The following DNAH1 variants were observed in gnomAD, a reference collection of about 807,000 sequenced individuals.
DNAH1 encodes axonemal beta dynein heavy chain 1.
DNAH1 carries 327 observed loss-of-function variants against 484.3 expected under a neutral mutation model. The observed-to-expected ratio is 0.68, with a 90% CI of 0.62 to 0.74. The LOEUF (loss-of-function observed/expected upper bound fraction) is 0.74. Among genes scored for constraint, DNAH1 ranks in the 30% least tolerant of loss-of-function variants. The pLI, the probability that DNAH1 is intolerant of heterozygous loss-of-function variation, is 0.00. For synonymous variants in DNAH1, 2,192 were observed against 2,191.9 expected (o/e 1.00, Z 0.00); for missense variants, 5,052 against 5,546.8 (o/e 0.91, Z 2.83).
At chr3:52,347,599 C>T (rs569275404) in intron 11 of DNAH1, among the ~76,000 whole-genome samples, 11 of 152,284 alleles carry the variant, frequency 7.2e-5, no homozygotes, top group Admixed American at 1.3e-4. Context: ...GCCTCCCTCT[C>T]GTGTGGTGCT....
At position 52,362,480 on chromosome 3, in the gene DNAH1, G is replaced by A. The variant is rs370313624; in HGVS notation, c.5073G>A (p.Thr1691=). 24 of 1,613,710 alleles carry A rather than the reference G, an allele frequency of 1.5e-5. No individual in the cohort carries two copies. Among genetic ancestry groups the A allele is most frequent in the African/African-American group, 4.0e-5 (3 of 74,940 alleles). The stretch of plus-strand genomic sequence containing the variant: ...TGAACCCGGGCTACGCTGGCCGCAC[G>A]GAGCTGCCTGACAATCTGAAGGCAA... The part of the protein sequence containing the change: ...ITMNPGYAGR[T]ELPDNLKALF... The change falls in exon 31 of 78, where the codon ACG becomes ACA. Residue 1691 remains threonine (T), a synonymous_variant. Coordinates refer to ENST00000420323, the MANE Select transcript of DNAH1 (RefSeq NM_015512.5). This position sits in a 1 kb window ranked among gnomAD's most constrained non-coding sequence, Gnocchi z 5.1.
chr3:52,341,621 G>A (rs1451029720), intron 8 of DNAH1, among the ~76,000 whole-genome samples: 1 of 150,976 alleles, frequency 6.6e-6, no homozygotes, highest in Non-Finnish European at 1.5e-5. Flanking sequence ...ACTGCAAAGG[G>A]CTTGACTTTT....
chr3:52,338,574 A>G (rs995351508), intron 8 of DNAH1, among the ~76,000 whole-genome samples: 1 of 152,206 alleles, frequency 6.6e-6, no homozygotes, highest in South Asian at 2.1e-4. Flanking sequence ...TAGATTCCTC[A>G]TGAAGAGCTC....
At chr3:52,371,342 G>A (rs541325670) in intron 41 of DNAH1, among the ~76,000 whole-genome samples, 9 of 152,364 alleles carry the variant, frequency 5.9e-5, no homozygotes, top group African/African-American at 1.7e-4. Flanking sequence ...ACTGTGCAGC[G>A]TCCTGCTGGG....
In DNAH1 at chr3:52,374,519, T is replaced by G. The variant is rs551714277; in HGVS notation, c.6986-721T>G. 7 of 1,484,488 alleles carry G rather than the reference T, an allele frequency of 4.7e-6. No homozygotes were observed. The East Asian group carries it at 1.6e-4, about 34-fold the overall frequency. The allele number at this position is 1,484,488 out of a possible 1,614,324, so 92.0% of individuals were successfully genotyped here. On this transcript the variant is annotated intron_variant, in intron 44 of 77. Transcript: ENST00000420323. ...TAGATGTCATTGAACCATCAGAATT[T>G]GTGAAGACCATGGAGCCCCTCTTCC...
At position 52,371,968 on chromosome 3, in the gene DNAH1, ACTC is replaced by A. The variant is rs750482482; in HGVS notation, c.6552_6554del (p.Ser2185del). 3.1e-6 allele frequency: 5 copies of A among 1,613,144 alleles called. No homozygotes were observed. The highest frequency in any genetic ancestry group is 4.2e-6 in the Non-Finnish European group (5 of 1,179,682). On this transcript the variant is annotated inframe_deletion, in exon 42 of 78. Coordinates refer to ENST00000420323, the MANE Select transcript of DNAH1 (RefSeq NM_015512.5). Reference sequence around the variant, plus strand: ...CAGGTTGCCTGGGTGAAGTGGATGGACTCCTCAGCTCCATTCACCATGGTACCA... The same window carrying A: ...CAGGTTGCCTGGGTGAAGTGGATGGACTCAGCTCCATTCACCATGGTACCA...
rs530726647 is a variant in DNAH1 at position 52,397,826 on chromosome 3, C to A, written c.11907C>A (p.Ile3969=). The change falls in exon 74 of 78, where the codon ATC becomes ATA. Residue 3969 remains isoleucine (I), a synonymous_variant. Transcript: ENST00000420323. ...QNETFALLGT[I]IQLQPKSSSA... is the part of the protein sequence containing the mutation. ...AGACGTTCGCCCTCCTGGGCACCAT[C>A]ATCCAGCTGCAACCCAAATCATCTT... The A allele has an allele frequency of 4.5e-5, 73 of 1,612,586 alleles. No individual in the cohort carries two copies. In the East Asian group the frequency reaches 1.4e-3, roughly 32 times the overall value.
chr3:52,387,239 C>T (rs990209904), intron 56 of DNAH1, among the ~76,000 whole-genome samples: 1 of 152,206 alleles, frequency 6.6e-6, no homozygotes, highest in African/African-American at 2.4e-5. Flanking sequence ...TGGCCAAGAC[C>T]TTCACCATCT....
intron 1 of DNAH1, among the ~76,000 whole-genome samples, chr3:52,320,379 G>A (rs1447221535): frequency 6.6e-6 from 1 of 152,236 alleles, no homozygotes; most frequent in Non-Finnish European, 1.5e-5. Flanking sequence ...GGCCGGGCAG[G>A]CCCGACTGGC....
chr3:52,315,956 G>A (rs915799701), upstream of DNAH1, among the ~76,000 whole-genome samples: 2 of 152,344 alleles, frequency 1.3e-5, no homozygotes, highest in East Asian at 3.9e-4. Flanking sequence ...TGGCAGGGCT[G>A]CTGGTAAAAG....
rs1704533906 is a variant in DNAH1 at position 52,394,568 on chromosome 3, T to C, written c.10730T>C (p.Leu3577Pro). 1 of 1,612,464 alleles carries C rather than the reference T, an allele frequency of 6.2e-7. No individual in the cohort carries two copies. Among genetic ancestry groups the C allele is most frequent in the Non-Finnish European group, 8.5e-7 (1 of 1,179,032 alleles). The change falls in exon 67 of 78, where the codon CTC becomes CCC. Residue 3577 changes from leucine to proline, a missense_variant. This residue lies in a region of DNAH1 where 853 missense variants were observed against 899.0 expected (regional missense o/e 0.95). Coordinates refer to ENST00000420323, the MANE Select transcript of DNAH1 (RefSeq NM_015512.5). ...CGGGCTTGGCGAGACATCCTAGCAC[T>C]CTCGAACCTGCCAACCTTTTCCTCC... is the stretch of plus-strand genomic sequence containing the variant. ...SDRAWRDILA[L>P]SNLPTFSSFS...
Position 52,362,496 on chromosome 3 carries a change from C to A in DNAH1, c.5089C>A (p.Leu1697Met). ...YAGRTELPDNLKALFRPVAMM... is the reference protein window; with the variant it reads ...YAGRTELPDNMKALFRPVAMM... ...TGGCCGCACGGAGCTGCCTGACAAT[C>A]TGAAGGCAAGTGCAGGCCCAGAGTG... Residue 1697 changes from leucine to methionine, a missense_variant, in exon 31 of 78, where the codon CTG becomes ATG. Leu to Met is a conservative substitution (Grantham distance 15, BLOSUM62 2). Transcript: ENST00000420323. This position sits in a 1 kb window ranked among gnomAD's most constrained non-coding sequence, Gnocchi z 5.1. 1 of 1,613,350 alleles carries A rather than the reference C, an allele frequency of 6.2e-7. No individual in the cohort carries two copies. The highest frequency in any genetic ancestry group is 8.5e-7 in the Non-Finnish European group (1 of 1,179,704).
chr3:52,373,120 A>C, intron 44 of DNAH1, 67 bp downstream of exon 44: 1 of 1,499,604 alleles, frequency 6.7e-7, no homozygotes, highest in Non-Finnish European at 8.9e-7. Flanking sequence ...CAGGAGGCAC[A>C]GCACTGAAGG....
intron 15 of DNAH1, 130 bp from the exon 16 acceptor site, chr3:52,350,378 C>G: frequency 2.0e-6 from 2 of 1,006,334 alleles, no homozygotes; most frequent in South Asian, 2.9e-5. Flanking sequence ...GGGCCTCCTC[C>G]CCTGGCCCAG....
rs761962640 is a variant in DNAH1, at chr3:52,331,192, G to A, written c.916G>A (p.Gly306Ser). ...GCTGAAGTACAAATGGTGCGAGGTC[G>A]GCGTCCTGGACTACGACGAGGAGAA... Reference protein sequence around the residue: ...QKLKYKWCEVGVLDYDEEKKL... With the variant: ...QKLKYKWCEVSVLDYDEEKKL... Residue 306 changes from glycine to serine, a missense_variant, in exon 7 of 78, where the codon GGC (glycine) becomes AGC (serine). By Grantham distance (56) the Gly-to-Ser change is moderately conservative (BLOSUM62 0). Transcript: ENST00000420323. 42 of 1,606,518 alleles carry A rather than the reference G, an allele frequency of 2.6e-5. No homozygotes were observed. The highest frequency in any genetic ancestry group is 3.4e-5 in the Admixed American group (2 of 58,866).
In DNAH1 at chr3:52,353,851, C is replaced by G. The variant is rs1702499836; in HGVS notation, c.3480+218C>G. ...CCATTGCTATTATTTTTCAGTTACT[C>G]CTCTCAAGAGCCCCAGGAAGGAGCT... On this transcript the variant is annotated intron_variant, in intron 20 of 77. Coordinates refer to ENST00000420323, the MANE Select transcript of DNAH1 (RefSeq NM_015512.5). The surrounding 1 kb of genome is among the most constrained non-coding windows in gnomAD (Gnocchi z 5.0). 1 of 646,160 alleles carries G rather than the reference C, an allele frequency of 1.5e-6. No individual in the cohort carries two copies. Among genetic ancestry groups the G allele is most frequent in the African/African-American group, 1.8e-5 (1 of 54,674 alleles). The allele number at this position is 646,160 out of a possible 1,614,324, so 40.0% of individuals were successfully genotyped here.
At chr3:52,311,112 G>A in the DNAH1 span, among the ~76,000 whole-genome samples, 4 of 152,340 alleles carry the variant, frequency 2.6e-5, no homozygotes, top group East Asian at 7.7e-4. Flanking sequence ...GCCTGAGGGA[G>A]GATGACGGAG....
chr3:52,392,910 C>G lies in DNAH1; in HGVS notation c.10359C>G (p.Thr3453=). Residue 3453 remains threonine, a synonymous_variant, in exon 65 of 78, where the codon ACC becomes ACG. Coordinates refer to ENST00000420323, the MANE Select transcript of DNAH1 (RefSeq NM_015512.5). Reference sequence around the variant, plus strand: ...AGTACATACCCGTGGCCATCCGCACCCAGATCCTCTTCTTCTGTGTGTCCG... The same window carrying G: ...AGTACATACCCGTGGCCATCCGCACGCAGATCCTCTTCTTCTGTGTGTCCG... ...RMEYIPVAIR[T]QILFFCVSDL... The G allele has an allele frequency of 6.2e-7, 1 of 1,613,246 alleles. No individual in the cohort carries two copies. The highest frequency in any genetic ancestry group is 8.5e-7 in the Non-Finnish European group (1 of 1,179,750).
In DNAH1 at chr3:52,357,884, T is replaced by C. The variant is rs748672648; in HGVS notation, c.3981-14T>C. ...CCTGCACGACCCGCTTCCTCACCCC[T>C]GTTCCCCTGGCAGATTCTACTTCCT... On this transcript the variant is annotated splice_polypyrimidine_tract_variant and intron_variant, in intron 23 of 77. Coordinates refer to ENST00000420323, the MANE Select transcript of DNAH1 (RefSeq NM_015512.5). 5.3e-5 allele frequency: 85 copies of C among 1,610,786 alleles called. No homozygotes were observed. The highest frequency in any genetic ancestry group is 7.0e-5 in the Non-Finnish European group (83 of 1,178,468).
Sources: gnomAD v4.1 joint callset for allele counts (sites outside exome capture counted in the v4.1 genomes callset) on GRCh38, gnomAD v4.1.1 for gene constraint, gnomAD v4.1.1 regional missense constraint, Gnocchi (gnomAD v3.1) non-coding constraint, MANE v1.5 for transcripts, NCBI Gene and HGNC (gene_info 2026-07-23, HGNC 2026-07-21) for gene names.